DOCK5: variants seen among roughly 807,000 people sequenced by gnomAD.
DOCK5 encodes the protein dedicator of cytokinesis 5, also known as dedicator of cytokinesis protein 5.
A neutral mutation model predicts 251.8 loss-of-function variants in DOCK5; 142 were observed. The ratio of observed to expected loss-of-function variants is 0.56; its 90% confidence interval spans 0.49 to 0.65. DOCK5 has a LOEUF of 0.65. Among genes scored for constraint, DOCK5 ranks in the 30% least tolerant of loss-of-function variants. The pLI is 0.00. For missense variants in DOCK5, 2,111 were observed against 2,312.3 expected, an observed-to-expected ratio of 0.91 and a Z score of 1.79; for synonymous variants, 842 against 835.5, an observed-to-expected ratio of 1.01 and a Z score of -0.13.
chr8:25,311,255 A>G lies in DOCK5; in HGVS notation c.1318+723A>G, dbSNP rs529398977. 3.1e-4 allele frequency among the ~76,000 whole-genome samples: 47 copies of G among 152,266 alleles called. 1 individual carries two copies. In the South Asian group the frequency reaches 6.6e-3, roughly 21 times the overall value. On this transcript the variant is annotated intron_variant, in intron 13 of 51. Transcript: ENST00000276440. ...TAATAGAAATTCTAGAAAAACAACC[A>G]TGGCTTGGCCGAGCAGGGTGGCTCA...
At chr8:25,368,781 C>T in intron 33 of DOCK5, 56 bp downstream of exon 33, 2 of 1,527,944 alleles carry the variant, frequency 1.3e-6, no homozygotes, top group Non-Finnish European at 1.8e-6. Context: ...CAAATCATAA[C>T]TCATTTCTTT....
rs760078239 is a variant in DOCK5 at position 25,296,552 on chromosome 8, G to C, written c.510G>C (p.Gly170=). 14 of 1,611,644 alleles carry C rather than the reference G, an allele frequency of 8.7e-6. No homozygotes were observed. The South Asian group carries it at 1.5e-4, about 18-fold the overall frequency. ...GLDLVVRDDN[G]NILDPDETST... is the part of the protein sequence containing the mutation. ...ATCTGGTGGTGCGAGATGACAATGG[G>C]AACATCCTAGACCCTGACGAAACCA... is the stretch of plus-strand genomic sequence containing the variant. The change falls in exon 7 of 52, where the codon GGG becomes GGC. Residue 170 remains glycine, a synonymous_variant. Transcript: ENST00000276440.
intron 2 of DOCK5, among the ~76,000 whole-genome samples, chr8:25,256,335 G>A (rs1803419741): frequency 6.6e-6 from 1 of 152,124 alleles, no homozygotes; most frequent in Non-Finnish European, 1.5e-5. Flanking sequence ...TTTCACCAAT[G>A]CCAGTGTAAG....
Position 25,363,151 on chromosome 8 carries a change from C to T in DOCK5, c.3044+10C>T. 2 of 1,611,256 alleles carry T rather than the reference C, an allele frequency of 1.2e-6. No individual in the cohort carries two copies. Among genetic ancestry groups the T allele is most frequent in the Non-Finnish European group, 1.7e-6 (2 of 1,177,442 alleles). Reference sequence around the variant, plus strand: ...ATATGACTCAAAACAGGTGAGACAGCCCATGGCTGGCCCTGAGGCATTTGT... The same window carrying T: ...ATATGACTCAAAACAGGTGAGACAGTCCATGGCTGGCCCTGAGGCATTTGT... On this transcript the variant is annotated intron_variant, in intron 29 of 51. Transcript: ENST00000276440.
At chr8:25,323,073 A>C (rs1297222899) in intron 16 of DOCK5, among the ~76,000 whole-genome samples, 1 of 152,142 alleles carries the variant, frequency 6.6e-6, no homozygotes, top group Non-Finnish European at 1.5e-5. Context: ...TATGATAAAA[A>C]CAGGCCACAG....
At chr8:25,187,861 C>G (rs1049924400) in intron 1 of DOCK5, among the ~76,000 whole-genome samples, 2 of 152,122 alleles carry the variant, frequency 1.3e-5, no homozygotes, top group African/African-American at 4.8e-5. Flanking sequence ...GACAGCTCAC[C>G]TTTCCTTGAG....
chr8:25,282,206 T>C (rs1287914284), intron 5 of DOCK5, among the ~76,000 whole-genome samples: 1 of 151,678 alleles, frequency 6.6e-6, no homozygotes, highest in African/African-American at 2.4e-5. Flanking sequence ...TTTTGTACCA[T>C]CCTAGTATTA....
rs780691483 is a variant in DOCK5, at chr8:25,399,936, A to G, written c.4730A>G (p.Gln1577Arg). ...EKAFFTEKYL[Q>R]EHPEDQEKVE... ...GCTTTTTTTACAGAAAAGTACTTGC[A>G]GGAGCATCCTGAAGACCAGGAGAAG... Residue 1577 changes from glutamine (Q) to arginine (R), a missense_variant, in exon 46 of 52, where the codon CAG becomes CGG. By Grantham distance (43) the Gln-to-Arg change is conservative. Around this residue, in one of 3 missense-constraint regions of DOCK5, gnomAD observed 1,717 missense variants for 1,892.4 expected, o/e 0.91. Coordinates refer to ENST00000276440, the MANE Select transcript of DOCK5 (RefSeq NM_024940.8). 1.2e-6 allele frequency: 2 copies of G among 1,613,648 alleles called. No homozygotes were observed. Among genetic ancestry groups the G allele is most frequent in the Admixed American group, 3.3e-5 (2 of 59,966 alleles).
chr8:25,311,670 C>G (rs898618327), intron 13 of DOCK5, among the ~76,000 whole-genome samples: 2 of 151,940 alleles, frequency 1.3e-5, no homozygotes, highest in Non-Finnish European at 2.9e-5. Context: ...GTCTGTAATC[C>G]CAGAACTTTA....
At chr8:25,342,985 G>A (rs368626422) in intron 25 of DOCK5, among the ~76,000 whole-genome samples, 5 of 151,696 alleles carry the variant, frequency 3.3e-5, no homozygotes, top group African/African-American at 1.2e-4. Flanking sequence ...GATTACAGGC[G>A]TGAGCCACCG....
chr8:25,404,098 C>A (rs922860606), intron 48 of DOCK5, among the ~76,000 whole-genome samples: 1 of 152,278 alleles, frequency 6.6e-6, no homozygotes, highest in African/African-American at 2.4e-5. Flanking sequence ...CTTCCCACTA[C>A]AGTAGAAGCC....
At chr8:25,383,691 C>A (rs537940693) in intron 40 of DOCK5, among the ~76,000 whole-genome samples, 391 of 152,196 alleles carry the variant, frequency 2.6e-3, no homozygotes, top group African/African-American at 9.0e-3. Context: ...GCTGTCCCTA[C>A]TAAAAGTACA....
At chr8:25,326,797 G>T (rs1294074143) in intron 18 of DOCK5, among the ~76,000 whole-genome samples, 2 of 152,134 alleles carry the variant, frequency 1.3e-5, no homozygotes, top group Non-Finnish European at 2.9e-5. Context: ...CCTATTATTT[G>T]TAACAGGGAA....
At chr8:25,251,271 C>G (rs1223228393) in intron 2 of DOCK5, among the ~76,000 whole-genome samples, 1 of 147,582 alleles carries the variant, frequency 6.8e-6, no homozygotes, top group African/African-American at 2.4e-5. Flanking sequence ...AACGAAATGT[C>G]TCAAAGGTGA....
intron 11 of DOCK5, among the ~76,000 whole-genome samples, chr8:25,308,113 A>G (rs1474298385): frequency 6.6e-6 from 1 of 152,130 alleles, no homozygotes; most frequent in Non-Finnish European, 1.5e-5. Flanking sequence ...GCCGATGTGC[A>G]GTTGCTTATA....
intron 1 of DOCK5, among the ~76,000 whole-genome samples, chr8:25,237,383 A>G (rs987938342): frequency 6.6e-6 from 1 of 152,186 alleles, no homozygotes; most frequent in Admixed American, 6.5e-5. Flanking sequence ...AAAATAAAAA[A>G]TAAACATAAA....
At chr8:25,186,828 C>G (rs1801441743) in intron 1 of DOCK5, among the ~76,000 whole-genome samples, 1 of 152,066 alleles carries the variant, frequency 6.6e-6, no homozygotes, top group Non-Finnish European at 1.5e-5. Flanking sequence ...TTGCCATAGT[C>G]CTAGGAGCAA....
At chr8:25,233,848 A>G (rs1802730922) in intron 1 of DOCK5, among the ~76,000 whole-genome samples, 1 of 152,228 alleles carries the variant, frequency 6.6e-6, no homozygotes, top group Non-Finnish European at 1.5e-5. Context: ...CAGACATGCA[A>G]TGTGAAATAA....
intron 40 of DOCK5, among the ~76,000 whole-genome samples, chr8:25,386,540 G>A (rs1801167347): frequency 6.6e-6 from 1 of 152,210 alleles, no homozygotes; most frequent in Non-Finnish European, 1.5e-5. Flanking sequence ...AGAAGTGACA[G>A]TGAGCTGTGA....
Sources: allele counts gnomAD v4.1 joint callset (sites outside exome capture counted in the v4.1 genomes callset), GRCh38; gene constraint gnomAD v4.1.1; regional missense constraint gnomAD v4.1.1; transcripts MANE v1.5; gene names NCBI Gene and HGNC (gene_info 2026-07-23, HGNC 2026-07-21).